ZNF431: variants seen among roughly 807,000 people sequenced by gnomAD.
ZNF431 encodes the protein zinc finger protein 431.
A neutral mutation model predicts 57.0 loss-of-function variants in ZNF431; 34 were observed. That is an observed-to-expected ratio of 0.60 (90% CI 0.45 to 0.79). ZNF431 has a LOEUF of 0.79. Among genes scored for constraint, ZNF431 ranks in the 30% least tolerant of loss-of-function variants. The pLI, the probability that ZNF431 is intolerant of heterozygous loss-of-function variation, is 0.00. For synonymous variants in ZNF431, 207 were observed against 220.3 expected (o/e 0.94, Z 0.54); for missense variants, 607 against 667.1 (o/e 0.91, Z 0.99).
intron 4 of ZNF431, among the ~76,000 whole-genome samples, chr19:21,168,371 AT>A (rs548268547): frequency 1.1e-3 from 163 of 145,608 alleles, no homozygotes; most frequent in African/African-American, 1.0e-3. Context: ...CAAGACATGA[AT>A]TTTTTTTTTT....
chr19:21,185,390 TCCTATTGGATTCA>T lies in ZNF431; in HGVS notation c.*1358_*1370del, dbSNP rs879442025. On this transcript the variant is annotated 3_prime_UTR_variant, in exon 5 of 5. Transcript: ENST00000311048. ...AAATTATTTCCTGTTGTTTCTTCAT[TCCTATTGGATTCA>T]CATGTGAAAGCATGGGGTTAATTGT... 1 of 152,228 alleles carries T rather than the reference TCCTATTGGATTCA, an allele frequency of 6.6e-6. No individual in the cohort carries two copies. Among genetic ancestry groups the T allele is most frequent in the African/African-American group, 2.4e-5 (1 of 41,456 alleles). The allele number at this position is 152,228 out of a possible 1,614,324, so 9.4% of individuals were successfully genotyped here.
chr19:21,167,026 A>G (rs531653076), intron 3 of ZNF431, among the ~76,000 whole-genome samples: 5 of 151,992 alleles, frequency 3.3e-5, no homozygotes, highest in African/African-American at 4.8e-5. Context: ...ACACCCAGCA[A>G]ATTTTTGTAT....
rs117452970 is a variant in ZNF431 at position 21,166,626 on chromosome 19, G to A, written c.223+165G>A. On this transcript the variant is annotated intron_variant, in intron 3 of 4. Coordinates refer to ENST00000311048, the MANE Select transcript of ZNF431 (RefSeq NM_133473.4). ...CCGTGTGGAAAAGAATTTCTTCAAC[G>A]TGTTTCATCTTGATCTGAACTTTCC... Among the ~76,000 whole-genome samples, 601 of 152,120 alleles carry A rather than the reference G, an allele frequency of 4.0e-3. 10 individuals carry two copies. In the East Asian group the frequency reaches 0.055, roughly 14 times the overall value.
chr19:21,166,182 A>G lies in ZNF431; in HGVS notation c.97-153A>G, dbSNP rs113293449. Among the ~76,000 whole-genome samples, 34 of 152,314 alleles carry G rather than the reference A, an allele frequency of 2.2e-4. 2 individuals are homozygous for G. In the South Asian group the frequency reaches 3.7e-3, roughly 17 times the overall value. ...AGAGTAGGAGAATACATTAGAAAAT[A>G]TTTCTGTGTTAAAAATTATTGGATA... On this transcript the variant is annotated intron_variant, in intron 2 of 4. Coordinates refer to ENST00000311048, the MANE Select transcript of ZNF431 (RefSeq NM_133473.4).
chr19:21,189,992 A>G lies in ZNF431; in HGVS notation c.*5958A>G, dbSNP rs1205121315. 3 of 396,078 alleles carry G rather than the reference A, an allele frequency of 7.6e-6. No individual in the cohort carries two copies. Among genetic ancestry groups the G allele is most frequent in the African/African-American group, 2.1e-5 (1 of 48,564 alleles). 24.5% of individuals were successfully genotyped at this position (396,078 alleles called of 1,614,324 possible). On this transcript the variant is annotated 3_prime_UTR_variant, in exon 5 of 5. Transcript: ENST00000311048. ...AACCCCATCTCTACTAAAAATACAA[A>G]AACAACAAAACAAAAACAAAAAACA...
chr19:21,156,879 ACCCT>A (rs1195177184), intron 2 of ZNF431, among the ~76,000 whole-genome samples: 1 of 151,972 alleles, frequency 6.6e-6, no homozygotes, highest in Non-Finnish European at 1.5e-5. Flanking sequence ...GGCTCAAGGC[ACCCT>A]CTTACTTCAG....
In ZNF431 at chr19:21,189,529, CAT is replaced by C. The variant is rs935781385; in HGVS notation, c.*5496_*5497del. On this transcript the variant is annotated 3_prime_UTR_variant, in exon 5 of 5. Transcript: ENST00000311048. ...GGTGAACATTTTTGTTTTGAGACCA[CAT>C]GACACTGTCATCATTTTTCAAAAAT... is the stretch of plus-strand genomic sequence containing the variant. 2.3e-5 allele frequency: 4 copies of C among 171,970 alleles called. No individual in the cohort carries two copies. Among genetic ancestry groups the C allele is most frequent in the African/African-American group, 9.5e-5 (4 of 42,228 alleles). 10.7% of individuals were successfully genotyped at this position (171,970 alleles called of 1,614,324 possible).
In ZNF431 at chr19:21,178,504, T is replaced by G. The variant is rs543312018; in HGVS notation, c.320-4119T>G. ...GAATACCTTGTTTATTGAGAGTTTT[T>G]AACATGAAGGGATGTTGAATTTGTT... On this transcript the variant is annotated intron_variant, in intron 4 of 4. Transcript: ENST00000311048. Among the ~76,000 whole-genome samples, 135 of 152,312 alleles carry G rather than the reference T, an allele frequency of 8.9e-4. No homozygotes were observed. The Middle Eastern group carries it at 0.01, about 12-fold the overall frequency.
rs575139287 is a variant in ZNF431, at chr19:21,154,469, G to A, written c.96+10826G>A. On this transcript the variant is annotated intron_variant, in intron 2 of 4. Transcript: ENST00000311048. ...AGTCTTTGCTATTGTGAATAGTGCTGCAATAAACATATGTGTGCATGTGTC... is the reference window on the plus strand; with the variant it reads ...AGTCTTTGCTATTGTGAATAGTGCTACAATAAACATATGTGTGCATGTGTC... Among the ~76,000 whole-genome samples the A allele has an allele frequency of 2.3e-4, 35 of 152,268 alleles. No individual in the cohort carries two copies. In the South Asian group the frequency reaches 2.5e-3, roughly 11 times the overall value.
At chr19:21,170,799 G>A (rs1187835762) in intron 4 of ZNF431, among the ~76,000 whole-genome samples, 1 of 152,000 alleles carries the variant, frequency 6.6e-6, no homozygotes, top group Admixed American at 6.6e-5. Flanking sequence ...TCAGCCTCCT[G>A]AATAGCTGGG....
At chr19:21,167,733 GC>G in intron 4 of ZNF431, 67 bp downstream of exon 4, 1 of 1,048,006 alleles carries the variant, frequency 9.5e-7, no homozygotes, top group Non-Finnish European at 1.3e-6. Context: ...AAAAAAATGT[GC>G]CAGTCCTTAC....
At position 21,189,919 on chromosome 19, in the gene ZNF431, G is replaced by T. The variant is rs1051947439; in HGVS notation, c.*5885G>T. The T allele has an allele frequency of 2.5e-6, 1 of 397,816 alleles. No homozygotes were observed. Among genetic ancestry groups the T allele is most frequent in the Admixed American group, 4.4e-5 (1 of 22,712 alleles). 24.6% of individuals were successfully genotyped at this position (397,816 alleles called of 1,614,324 possible). On this transcript the variant is annotated 3_prime_UTR_variant, in exon 5 of 5. Coordinates refer to ENST00000311048, the MANE Select transcript of ZNF431 (RefSeq NM_133473.4). Reference sequence around the variant, plus strand: ...CCAGCTCTGGGAGGCCAAGGCCAGTGGATTGCTTGAGCCCAGGAGTTTGAG... The same window carrying T: ...CCAGCTCTGGGAGGCCAAGGCCAGTTGATTGCTTGAGCCCAGGAGTTTGAG...
chr19:21,180,971 T>A (rs908749285), intron 4 of ZNF431, among the ~76,000 whole-genome samples: 4 of 151,858 alleles, frequency 2.6e-5, no homozygotes, highest in African/African-American at 9.7e-5. Context: ...GAACTTCAGT[T>A]GCATCCAAAA....
intron 2 of ZNF431, among the ~76,000 whole-genome samples, chr19:21,165,437 A>C (rs1330545796): frequency 1.3e-5 from 2 of 152,230 alleles, no homozygotes; most frequent in Non-Finnish European, 2.9e-5. Flanking sequence ...CCTTTGCATA[A>C]AACTGATTTT....
chr19:21,170,564 C>G (rs981855165), intron 4 of ZNF431, among the ~76,000 whole-genome samples: 4 of 149,946 alleles, frequency 2.7e-5, no homozygotes, highest in Non-Finnish European at 5.9e-5. Context: ...AATTTAAGTT[C>G]GCTGCAGGTA....
chr19:21,171,937 G>A (rs1237171462), intron 4 of ZNF431, among the ~76,000 whole-genome samples: 1 of 150,816 alleles, frequency 6.6e-6, no homozygotes, highest in Non-Finnish European at 1.5e-5. Context: ...AGCCAGGATG[G>A]TCTCAATCTC....
In ZNF431 at chr19:21,188,993, CAAT is replaced by C. The variant is rs973134644; in HGVS notation, c.*4964_*4966del. On this transcript the variant is annotated 3_prime_UTR_variant, in exon 5 of 5. Transcript: ENST00000311048. Reference sequence around the variant, plus strand: ...TGGTTATGATTAAAAAATTAAATGACAATAATAGCCCCAAAACTATATATTTTT... The same window carrying C: ...TGGTTATGATTAAAAAATTAAATGACAATAGCCCCAAAACTATATATTTTT... 6 of 152,174 alleles carry C rather than the reference CAAT, an allele frequency of 3.9e-5. No homozygotes were observed. The highest frequency in any genetic ancestry group is 6.8e-3 in the Middle Eastern group (2 of 294). The allele number at this position is 152,174 out of a possible 1,614,324, so 9.4% of individuals were successfully genotyped here. A position where few individuals can be genotyped will look rare whatever the true frequency, so the allele number is the denominator to read the frequency against.
At chr19:21,161,641 T>A (rs1970567077) in intron 2 of ZNF431, among the ~76,000 whole-genome samples, 1 of 152,058 alleles carries the variant, frequency 6.6e-6, no homozygotes, top group Admixed American at 6.6e-5. Context: ...AACCCAGGTC[T>A]GTTTTGTTTG....
chr19:21,182,860 A>G lies in ZNF431; in HGVS notation c.557A>G (p.His186Arg), dbSNP rs1424279056. 1.2e-6 allele frequency: 2 copies of G among 1,613,992 alleles called. No individual in the cohort carries two copies. The highest frequency in any genetic ancestry group is 1.1e-5 in the South Asian group (1 of 91,070). Reference protein sequence around the residue: ...FPCDKYVKVFHKFLNANRHKT... With the variant: ...FPCDKYVKVFRKFLNANRHKT... ...TGTGATAAATATGTGAAAGTCTTTC[A>G]TAAATTTTTAAATGCAAATAGACAT... Residue 186 changes from histidine (H) to arginine (R), a missense_variant, in exon 5 of 5, where the codon CAT (histidine) becomes CGT (arginine). By Grantham distance (29) the His-to-Arg change is conservative. Coordinates refer to ENST00000311048, the MANE Select transcript of ZNF431 (RefSeq NM_133473.4).
Sources: allele counts gnomAD v4.1 joint callset (sites outside exome capture counted in the v4.1 genomes callset), GRCh38; gene constraint gnomAD v4.1.1; transcripts MANE v1.5; gene names NCBI Gene and HGNC (gene_info 2026-07-23, HGNC 2026-07-21).